The following MRTFB variants were observed in gnomAD, a reference collection of about 807,000 sequenced individuals.
MRTFB encodes myocardin-related transcription factor B.
MRTFB carries 29 observed loss-of-function variants against 104.2 expected under a neutral mutation model. The observed-to-expected ratio is 0.28, with a 90% CI of 0.21 to 0.38. The LOEUF (loss-of-function observed/expected upper bound fraction) is 0.38. Ranked by LOEUF, MRTFB falls within the 10% of genes least tolerant of loss-of-function variation. The pLI, the probability that MRTFB is intolerant of heterozygous loss-of-function variation, is 1.00. For synonymous variants in MRTFB, 535 were observed against 519.5 expected (o/e 1.03, Z -0.41); for missense variants, 1,270 against 1,341.6 (o/e 0.95, Z 0.83).
chr16:14,204,677 G>A (rs1408693676), intron 3 of MRTFB, among the ~76,000 whole-genome samples: 2 of 152,124 alleles, frequency 1.3e-5, no homozygotes, highest in African/African-American at 4.8e-5. Flanking sequence ...ATAGAAAACT[G>A]TAAATGTTAG....
intron 9 of MRTFB, among the ~76,000 whole-genome samples, chr16:14,239,082 G>T (rs776888552): frequency 1.3e-5 from 2 of 152,260 alleles, no homozygotes; most frequent in East Asian, 3.9e-4. Context: ...CCAGCACCCC[G>T]CTGGCTATGT....
intron 3 of MRTFB, among the ~76,000 whole-genome samples, chr16:14,189,886 A>G (rs954064842): frequency 6.6e-6 from 1 of 152,228 alleles, no homozygotes; most frequent in East Asian, 1.9e-4. Context: ...AATTGTTGAC[A>G]GTGCTAGTTG....
At chr16:14,095,049 GTCT>G (rs1220379409) in intron 2 of MRTFB, among the ~76,000 whole-genome samples, 1 of 152,110 alleles carries the variant, frequency 6.6e-6, no homozygotes, top group Non-Finnish European at 1.5e-5. Flanking sequence ...GTCTAAAATA[GTCT>G]TCTTATCTTA....
At position 14,074,925 on chromosome 16, in the gene MRTFB, T is replaced by G. The variant is rs138673539; in HGVS notation, c.-129+3560T>G. On this transcript the variant is annotated intron_variant, in intron 1 of 16. Coordinates refer to ENST00000571589, the MANE Select transcript of MRTFB (RefSeq NM_001308142.2). ...AAGGAAACAAACTGCTTGGTGAATT[T>G]TCACGAAGAGCAGATGGTGTGGTTA... Among the ~76,000 whole-genome samples, 375 of 152,356 alleles carry G rather than the reference T, an allele frequency of 2.5e-3. 2 individuals carry two copies. The highest frequency in any genetic ancestry group is 3.8e-3 in the Non-Finnish European group (259 of 68,024).
intron 1 of MRTFB, among the ~76,000 whole-genome samples, chr16:14,072,512 C>T (rs907691769): frequency 1.3e-5 from 2 of 152,030 alleles, no homozygotes; most frequent in Admixed American, 1.3e-4. Flanking sequence ...TAGCGAGATC[C>T]CACCTGTACA....
chr16:14,034,170 T>C, the MRTFB span, among the ~76,000 whole-genome samples: 41 of 152,344 alleles, frequency 2.7e-4, no homozygotes, highest in East Asian at 7.5e-3. Flanking sequence ...ACCAACTGAG[T>C]GCCTTCAACA....
intron 3 of MRTFB, among the ~76,000 whole-genome samples, chr16:14,187,953 G>T (rs758914262): frequency 2.6e-5 from 4 of 152,040 alleles, no homozygotes; most frequent in Non-Finnish European, 1.5e-5. Context: ...CTTGCCTCCC[G>T]CTCGCTCTTG....
At chr16:14,015,803 C>G in the MRTFB span, 1 of 397,876 alleles carries the variant, frequency 2.5e-6, no homozygotes, top group Non-Finnish European at 4.4e-6. Flanking sequence ...CCTGTCTTCA[C>G]TTGAAGAAGG....
chr16:14,227,962 A>C lies in MRTFB; in HGVS notation c.694-6184A>C, dbSNP rs368728448. ...GTTGCAGTCTATCTTAAAAAAAAAA[A>C]AAAAACAGGCAAAGGACTTGAATAG... On this transcript the variant is annotated intron_variant, in intron 8 of 16. Transcript: ENST00000571589. Among the ~76,000 whole-genome samples, 30 of 152,200 alleles carry C rather than the reference A, an allele frequency of 2.0e-4. No individual in the cohort carries two copies. The East Asian group carries it at 2.1e-3, about 11-fold the overall frequency.
chr16:14,019,162 A>C, the MRTFB span: 1 of 152,246 alleles, frequency 6.6e-6, no homozygotes, highest in African/African-American at 2.4e-5. Flanking sequence ...ACATTTTGCT[A>C]GTGGGTCGCT....
In MRTFB at chr16:14,246,891, T is replaced by C; in HGVS notation, c.1631T>C (p.Leu544Ser). The change falls in exon 12 of 17, where the codon TTG (leucine) becomes TCG (serine). Residue 544 changes from leucine to serine, a missense_variant. Leu to Ser is a moderately radical substitution (Grantham distance 145). Coordinates refer to ENST00000571589, the MANE Select transcript of MRTFB (RefSeq NM_001308142.2). ...TCACAGTTCTTGAGTTCATCTCCTT[T>C]GAGAATGACAAATAATGAAGACAGT... is the stretch of plus-strand genomic sequence containing the variant. ...SPSQFLSSSPLRMTNNEDSLS... is the reference protein window; with the variant it reads ...SPSQFLSSSPSRMTNNEDSLS... The C allele has an allele frequency of 6.2e-7, 1 of 1,613,612 alleles. No individual in the cohort carries two copies. Among genetic ancestry groups the C allele is most frequent in the South Asian group, 1.1e-5 (1 of 91,072 alleles).
intron 3 of MRTFB, among the ~76,000 whole-genome samples, chr16:14,197,646 T>G (rs1016023135): frequency 2.5e-4 from 38 of 152,220 alleles, no homozygotes; most frequent in African/African-American, 9.2e-4. Flanking sequence ...ACATGTTTAT[T>G]AAAACTTATA....
intron 10 of MRTFB, chr16:14,240,833 G>A: frequency 1.5e-6 from 1 of 676,454 alleles, no homozygotes; most frequent in Non-Finnish European, 2.7e-6. Context: ...TAAAAGAAGA[G>A]AAGGATGGGC....
At chr16:14,065,567 C>T in the MRTFB span, among the ~76,000 whole-genome samples, 7 of 151,998 alleles carry the variant, frequency 4.6e-5, no homozygotes, top group African/African-American at 1.7e-4. Context: ...CCTGCTTTTG[C>T]CCACTCAGTA....
intron 3 of MRTFB, among the ~76,000 whole-genome samples, chr16:14,183,482 A>T (rs367653989): frequency 6.6e-6 from 1 of 152,150 alleles, no homozygotes; most frequent in South Asian, 2.1e-4. Context: ...AGATATATCA[A>T]TGTTAACTTG....
chr16:14,032,847 G>T, the MRTFB span, among the ~76,000 whole-genome samples: 1 of 152,084 alleles, frequency 6.6e-6, no homozygotes, highest in Non-Finnish European at 1.5e-5. Context: ...AGTGAGACAT[G>T]ATCTTGCTCT....
rs1597039558 is a variant in MRTFB at position 14,140,614 on chromosome 16, A to G, written c.8A>G (p.His3Arg). The G allele has an allele frequency of 1.9e-6, 3 of 1,614,168 alleles. No individual in the cohort carries two copies. Among genetic ancestry groups the G allele is most frequent in the Non-Finnish European group, 2.5e-6 (3 of 1,180,022 alleles). The stretch of plus-strand genomic sequence containing the variant: ...GCCAGTGGCTGGAACACAATGGATC[A>G]CACAGGGGCGATAGACACCGAGGAT... MD[H>R]TGAIDTEDEV... Residue 3 changes from histidine to arginine, a missense_variant, in exon 3 of 17, where the codon CAC becomes CGC. His to Arg is a conservative substitution (Grantham distance 29, BLOSUM62 0). Around this residue, in one of 3 missense-constraint regions of MRTFB, gnomAD observed 62 missense variants for 57.2 expected, o/e 1.08. Coordinates refer to ENST00000571589, the MANE Select transcript of MRTFB (RefSeq NM_001308142.2).
At chr16:14,209,816 G>A (rs2041115987) in intron 3 of MRTFB, among the ~76,000 whole-genome samples, 1 of 152,102 alleles carries the variant, frequency 6.6e-6, no homozygotes, top group East Asian at 1.9e-4. Flanking sequence ...CTTCCTTAAA[G>A]CCACTTATAG....
intron 3 of MRTFB, chr16:14,200,263 C>A: frequency 6.7e-7 from 1 of 1,501,948 alleles, no homozygotes; most frequent in Non-Finnish European, 9.2e-7. Flanking sequence ...TTAGATACAG[C>A]CTTTAAGAAA....
Sources: gnomAD v4.1 joint callset for allele counts (sites outside exome capture counted in the v4.1 genomes callset) on GRCh38, gnomAD v4.1.1 for gene constraint, gnomAD v4.1.1 regional missense constraint, MANE v1.5 for transcripts, NCBI Gene and HGNC (gene_info 2026-07-23, HGNC 2026-07-21) for gene names.